The following KIF26B variants were observed in gnomAD, a reference collection of about 807,000 sequenced individuals.
The protein encoded by KIF26B is kinesin family member 26B, also known as kinesin-like protein KIF26B.
In KIF26B, 63 loss-of-function variants were observed where a neutral mutation model predicts 151.2. The ratio of observed to expected loss-of-function variants is 0.42; its 90% CI spans 0.34 to 0.51. The LOEUF (loss-of-function observed/expected upper bound fraction) is 0.51. KIF26B is among the 20% of genes least tolerant of loss of function. The pLI is 0.07. For synonymous variants in KIF26B, 1,357 were observed against 1,262.1 expected (o/e 1.08, Z -1.59); for missense variants, 2,813 against 2,913.6 (o/e 0.97, Z 0.79).
At chr1:245,181,058 G>A (rs1438703770) in intron 2 of KIF26B, among the ~76,000 whole-genome samples, 1 of 152,200 alleles carries the variant, frequency 6.6e-6, no homozygotes, top group Non-Finnish European at 1.5e-5. Flanking sequence ...AACAGTGGTT[G>A]TGCCAGAGAG....
At chr1:245,610,861 A>T (rs898472951) in intron 8 of KIF26B, among the ~76,000 whole-genome samples, 1 of 152,248 alleles carries the variant, frequency 6.6e-6, no homozygotes, top group African/African-American at 2.4e-5. Flanking sequence ...CAGGTTCTAA[A>T]TATTGGCTCT....
At chr1:245,229,555 G>C (rs1242795159) in intron 2 of KIF26B, among the ~76,000 whole-genome samples, 2 of 152,106 alleles carry the variant, frequency 1.3e-5, no homozygotes, top group African/African-American at 4.8e-5. Context: ...TGATGTGCCC[G>C]GTACCTTTTG....
chr1:245,632,429 T>C (rs916940398), intron 9 of KIF26B, among the ~76,000 whole-genome samples: 4 of 152,230 alleles, frequency 2.6e-5, no homozygotes, highest in African/African-American at 9.6e-5. Context: ...AGTTATTTTG[T>C]GGTCTAACAC....
At chr1:245,266,945 A>C (rs1476773995) in intron 2 of KIF26B, among the ~76,000 whole-genome samples, 1 of 152,228 alleles carries the variant, frequency 6.6e-6, no homozygotes, top group Non-Finnish European at 1.5e-5. Context: ...CACTTTTATT[A>C]ACATGTGACT....
At chr1:245,261,510 TCC>T (rs1458840858) in intron 2 of KIF26B, among the ~76,000 whole-genome samples, 4 of 105,400 alleles carry the variant, frequency 3.8e-5, no homozygotes, top group East Asian at 3.3e-4. Flanking sequence ...TCTCCCTCCC[TCC>T]CTCCCTCCCT....
intron 7 of KIF26B, 72 bp from the exon 8 acceptor site, chr1:245,609,194 T>A (rs1057308406): frequency 4.3e-5 from 59 of 1,369,012 alleles, no homozygotes; most frequent in Non-Finnish European, 4.0e-5. Flanking sequence ...ATCCTTGGCA[T>A]CTATTTTGGA....
At chr1:245,699,550 A>T (rs909372418) in intron 14 of KIF26B, among the ~76,000 whole-genome samples, 2 of 151,914 alleles carry the variant, frequency 1.3e-5, no homozygotes, top group African/African-American at 4.8e-5. Context: ...AAAGCCCAGG[A>T]TGACCATAAC....
At chr1:245,340,989 TG>T (rs887011118) in intron 2 of KIF26B, among the ~76,000 whole-genome samples, 3 of 152,180 alleles carry the variant, frequency 2.0e-5, no homozygotes, top group Non-Finnish European at 4.4e-5. Context: ...ATTTAGGAGA[TG>T]GAATTGACTA....
chr1:245,206,060 C>T (rs2103540671), intron 2 of KIF26B, among the ~76,000 whole-genome samples: 1 of 152,206 alleles, frequency 6.6e-6, no homozygotes, highest in South Asian at 2.1e-4. Flanking sequence ...TTTCTGATTG[C>T]TGGTCTTTGC....
At chr1:245,434,420 C>T (rs1440827710) in intron 4 of KIF26B, among the ~76,000 whole-genome samples, 3 of 152,190 alleles carry the variant, frequency 2.0e-5, no homozygotes. Flanking sequence ...CCTTTCTCTC[C>T]CTGTCTCTGC....
chr1:245,295,728 A>G (rs1350314765), intron 2 of KIF26B, among the ~76,000 whole-genome samples: 2 of 152,212 alleles, frequency 1.3e-5, no homozygotes, highest in African/African-American at 4.8e-5. Context: ...CTTTTCATGG[A>G]CTAGAACTAA....
intron 2 of KIF26B, among the ~76,000 whole-genome samples, chr1:245,173,863 G>A (rs568113868): frequency 1.5e-4 from 23 of 152,322 alleles, no homozygotes; most frequent in African/African-American, 4.6e-4. Context: ...GCCGTGGTAC[G>A]ACGTGTGACA....
intron 3 of KIF26B, among the ~76,000 whole-genome samples, chr1:245,386,706 A>C (rs1673555191): frequency 6.6e-6 from 1 of 152,200 alleles, no homozygotes; most frequent in Non-Finnish European, 1.5e-5. Context: ...CATCGATAAG[A>C]TATGCAATGA....
intron 3 of KIF26B, among the ~76,000 whole-genome samples, chr1:245,378,777 G>C (rs1438200062): frequency 6.6e-6 from 1 of 152,156 alleles, no homozygotes; most frequent in Non-Finnish European, 1.5e-5. Context: ...GGTCATGCTG[G>C]ATTTGCTGCT....
chr1:245,522,081 G>A (rs184104889), intron 4 of KIF26B, among the ~76,000 whole-genome samples: 1 of 152,136 alleles, frequency 6.6e-6, no homozygotes, highest in Non-Finnish European at 1.5e-5. Context: ...GTGTTAGCCA[G>A]GATGGTCTCG....
chr1:245,384,667 C>T (rs1429382843), intron 3 of KIF26B, among the ~76,000 whole-genome samples: 2 of 152,146 alleles, frequency 1.3e-5, no homozygotes, highest in Non-Finnish European at 2.9e-5. Context: ...GGAGGAATCA[C>T]GTATTTATGG....
intron 4 of KIF26B, among the ~76,000 whole-genome samples, chr1:245,423,769 C>T (rs775624251): frequency 1.1e-4 from 17 of 152,184 alleles, no homozygotes; most frequent in African/African-American, 2.4e-4. Context: ...CATATAGCGT[C>T]GCTCTCATTC....
intron 2 of KIF26B, among the ~76,000 whole-genome samples, chr1:245,202,472 G>A (rs372811167): frequency 3.3e-5 from 5 of 152,260 alleles, no homozygotes; most frequent in African/African-American, 1.2e-4. Flanking sequence ...AAAATGGGTT[G>A]AAGTGGCCGG....
rs750950806 is a variant in KIF26B, at chr1:245,688,073, C to G, written c.5090C>G (p.Ala1697Gly). Residue 1697 changes from alanine to glycine, a missense_variant, in exon 12 of 15, where the codon GCG becomes GGG. By Grantham distance (60) the Ala-to-Gly change is moderately conservative. Coordinates refer to ENST00000407071, the MANE Select transcript of KIF26B (RefSeq NM_018012.4). ...TCCTCCGTGAGCTCCCGGCTGCACG[C>G]GGGCAAGGACGGCACCATGCCCCGC... ...SLSSVSSRLH[A>G]GKDGTMPRAG... 9 of 1,551,748 alleles carry G rather than the reference C, an allele frequency of 5.8e-6. No individual in the cohort carries two copies. The highest frequency in any genetic ancestry group is 7.8e-6 in the Non-Finnish European group (9 of 1,148,616).
Sources: gnomAD v4.1 joint callset for allele counts (sites outside exome capture counted in the v4.1 genomes callset) on GRCh38, gnomAD v4.1.1 for gene constraint, MANE v1.5 for transcripts, NCBI Gene and HGNC (gene_info 2026-07-23, HGNC 2026-07-21) for gene names.